The following LASP1NB variants were observed in gnomAD, a reference collection of about 807,000 sequenced individuals.
LASP1NB encodes the protein LASP1 neighbor.
At chr17:38,925,796 T>C in the LASP1NB span, 1 of 398,608 alleles carries the variant, frequency 2.5e-6, no homozygotes, top group Non-Finnish European at 4.4e-6. Flanking sequence ...GGCCGGAGCC[T>C]GCTGGAGAAC....
At chr17:38,925,619 C>T in the LASP1NB span, 2 of 398,140 alleles carry the variant, frequency 5.0e-6, no homozygotes, top group East Asian at 7.1e-5. Flanking sequence ...CATTTCTCTC[C>T]ACCGACTGCA....
At chr17:38,926,856 T>C in the LASP1NB span, 1 of 152,186 alleles carries the variant, frequency 6.6e-6, no homozygotes, top group African/African-American at 2.4e-5. Context: ...TCACTGTCTT[T>C]ACAGATTGCA....
chr17:38,926,782 C>T, the LASP1NB span: 179 of 152,348 alleles, frequency 1.2e-3, no homozygotes, highest in African/African-American at 3.8e-3. Context: ...ACACACAGGA[C>T]TCCCTTGTGA....
the LASP1NB span, chr17:38,925,861 C>T: frequency 1.3e-5 from 5 of 396,634 alleles, no homozygotes; most frequent in Non-Finnish European, 2.2e-5. Flanking sequence ...GCTGACGCAC[C>T]GGTGGATTTT....
At chr17:38,929,025 T>C in the LASP1NB span, 1 of 152,234 alleles carries the variant, frequency 6.6e-6, no homozygotes, top group Non-Finnish European at 1.5e-5. Context: ...TCAGCAGATT[T>C]CACTCATACA....
chr17:38,928,757 A>AT, the LASP1NB span: 1 of 152,200 alleles, frequency 6.6e-6, no homozygotes, highest in African/African-American at 2.4e-5. Context: ...CCACTAAAAC[A>AT]TTCTTCTAAC....
chr17:38,925,799 TGGA>T, the LASP1NB span: 3 of 398,416 alleles, frequency 7.5e-6, no homozygotes, highest in Admixed American at 4.4e-5. Flanking sequence ...CGGAGCCTGC[TGGA>T]GAACAGCTCA....
At chr17:38,925,767 T>C in the LASP1NB span, 1 of 398,600 alleles carries the variant, frequency 2.5e-6, no homozygotes. Flanking sequence ...ATCTATCTGC[T>C]CTAGTGGCCT....
the LASP1NB span, chr17:38,926,498 C>T: frequency 1.3e-5 from 2 of 152,200 alleles, no homozygotes; most frequent in African/African-American, 2.4e-5. Flanking sequence ...TCAGAGCCTT[C>T]CAGACATGGC....
chr17:38,926,749 C>T, the LASP1NB span: 10 of 152,302 alleles, frequency 6.6e-5, no homozygotes, highest in Admixed American at 5.2e-4. Context: ...GCACATTACA[C>T]TCAAATATGT....
the LASP1NB span, chr17:38,928,481 A>C: frequency 6.6e-6 from 1 of 152,168 alleles, no homozygotes; most frequent in Non-Finnish European, 1.5e-5. Flanking sequence ...ATGACACTTT[A>C]TAACAAAAAT....
At chr17:38,926,477 G>C in the LASP1NB span, 1 of 152,176 alleles carries the variant, frequency 6.6e-6, no homozygotes, top group Non-Finnish European at 1.5e-5. Context: ...CTACTGCCCA[G>C]CAGACCTCTT....
the LASP1NB span, chr17:38,928,954 A>G: frequency 2.0e-5 from 3 of 152,206 alleles, no homozygotes; most frequent in Non-Finnish European, 2.9e-5. Context: ...TTGTGACATC[A>G]AGGCTTCTCA....
chr17:38,927,105 T>TGTGTGTGTGTGC, the LASP1NB span: 1 of 151,084 alleles, frequency 6.6e-6, no homozygotes, highest in Non-Finnish European at 1.5e-5. Flanking sequence ...AGTGTGTGTG[T>TGTGTGTGTGTGC]GTGTGTGTGT....
At chr17:38,927,197 G>T in the LASP1NB span, 1 of 152,084 alleles carries the variant, frequency 6.6e-6, no homozygotes, top group Admixed American at 6.6e-5. Flanking sequence ...ACCCATTAGA[G>T]TTGAAGAAAC....
At chr17:38,928,570 A>G in the LASP1NB span, 5 of 152,142 alleles carry the variant, frequency 3.3e-5, no homozygotes, top group Non-Finnish European at 7.4e-5. Flanking sequence ...CTCCAAATAT[A>G]TATTATGTCT....
the LASP1NB span, chr17:38,928,018 G>C: frequency 6.6e-6 from 1 of 152,124 alleles, no homozygotes; most frequent in African/African-American, 2.4e-5. Context: ...CTCCAGCCTA[G>C]GTGACACAGC....
the LASP1NB span, chr17:38,926,012 A>T: frequency 5.9e-6 from 2 of 337,574 alleles, no homozygotes; most frequent in East Asian, 9.1e-5. Context: ...CCTAATTTAA[A>T]ATAAGACTTT....
the LASP1NB span, chr17:38,925,665 C>T: frequency 2.5e-6 from 1 of 398,638 alleles, no homozygotes; most frequent in Non-Finnish European, 4.4e-6. Flanking sequence ...CACCAGAATC[C>T]AGGGGCTTGG....
Sources: allele counts gnomAD v4.1 joint callset, GRCh38; gene constraint gnomAD v4.1.1; transcripts MANE v1.5; gene names NCBI Gene and HGNC (gene_info 2026-07-23, HGNC 2026-07-21).